KDM5B: variants seen among roughly 807,000 people sequenced by gnomAD.
KDM5B encodes the protein lysine demethylase 5B.
Under a neutral mutation model 193.4 loss-of-function variants are expected in KDM5B, and 144 were observed. The ratio of observed to expected loss-of-function variants is 0.74; its 90% CI spans 0.65 to 0.86. KDM5B has a LOEUF of 0.86. Among genes scored for constraint, KDM5B ranks in the 40% least tolerant of loss-of-function variants. KDM5B has a pLI of 0.00. For synonymous variants in KDM5B, 668 were observed against 682.6 expected (o/e 0.98, Z 0.33); for missense variants, 1,833 against 1,886.9 (o/e 0.97, Z 0.53).
At chr1:202,759,724 TTAAAA>T (rs1656166362) in intron 8 of KDM5B, among the ~76,000 whole-genome samples, 1 of 152,138 alleles carries the variant, frequency 6.6e-6, no homozygotes, top group Non-Finnish European at 1.5e-5. Context: ...CTCCATTTGT[TTAAAA>T]TAGAAAAAAG....
intron 1 of KDM5B, among the ~76,000 whole-genome samples, chr1:202,800,044 T>C (rs1206940641): frequency 1.3e-5 from 2 of 152,202 alleles, no homozygotes; most frequent in Non-Finnish European, 2.9e-5. Context: ...AAGGGACTTT[T>C]GTTTTGTTTT....
At chr1:202,739,610 A>G (rs956760333) in intron 20 of KDM5B, among the ~76,000 whole-genome samples, 8 of 152,160 alleles carry the variant, frequency 5.3e-5, no homozygotes, top group African/African-American at 1.7e-4. Flanking sequence ...TCCTAGGCAG[A>G]GGACCCTGCG....
In KDM5B at chr1:202,740,430, G is replaced by A. The variant is rs1480291234; in HGVS notation, c.3084+244C>T. Among the ~76,000 whole-genome samples, 10 of 125,244 alleles carry A rather than the reference G, an allele frequency of 8.0e-5. 1 individual carries two copies. Among genetic ancestry groups the A allele is most frequent in the African/African-American group, 2.2e-4 (8 of 36,282 alleles). The allele number at this position is 125,244 out of a possible 152,430, so 82.2% of individuals were successfully genotyped here. ...GGTCTGACCCCCCCACCTCCCTCCC[G>A]GACGGGGCGGCTGGCCGGGCGGGGG... is the stretch of plus-strand genomic sequence containing the variant. On this transcript the variant is annotated intron_variant, in intron 20 of 26. Coordinates refer to ENST00000367265, the MANE Select transcript of KDM5B (RefSeq NM_006618.5).
chr1:202,758,960 G>A (rs1275671810), intron 8 of KDM5B: 1 of 153,592 alleles, frequency 6.5e-6, no homozygotes, highest in East Asian at 1.9e-4. Flanking sequence ...CTAATACTGG[G>A]AGTTAACAGG....
rs571179535 is a variant in KDM5B, at chr1:202,787,791, G to A, written c.205-10697C>T. ...GCCTGTAATCCCAGCTACTTGGGAG[G>A]CTGAGGCAGAATCGCTTGAACCCGG... On this transcript the variant is annotated intron_variant, in intron 1 of 26. Transcript: ENST00000367265. Among the ~76,000 whole-genome samples the A allele has an allele frequency of 1.8e-4, 27 of 152,052 alleles. No individual in the cohort carries two copies. In the South Asian group the frequency reaches 5.6e-3, roughly 32 times the overall value.
In KDM5B at chr1:202,727,857, A is replaced by G. The variant is rs1654728915; in HGVS notation, c.*1179T>C. The stretch of plus-strand genomic sequence containing the variant: ...CTAAACCAAGTTCCCCTGTCAATTC[A>G]AATATAATAAAGGCAGCATTCCACA... On this transcript the variant is annotated 3_prime_UTR_variant, in exon 27 of 27. Coordinates refer to ENST00000367265, the MANE Select transcript of KDM5B (RefSeq NM_006618.5). 6.6e-6 allele frequency: 1 copy of G among 152,670 alleles called. No homozygotes were observed. Among genetic ancestry groups the G allele is most frequent in the Admixed American group, 6.5e-5 (1 of 15,288 alleles). The allele number at this position is 152,670 out of a possible 1,614,324, so 9.5% of individuals were successfully genotyped here. A position where few individuals can be genotyped will look rare whatever the true frequency, so the allele number is the denominator to read the frequency against.
At position 202,733,589 on chromosome 1, in the gene KDM5B, G is replaced by A. The variant is rs1411264991; in HGVS notation, c.3721C>T (p.Arg1241Cys). 14 of 1,614,020 alleles carry A rather than the reference G, an allele frequency of 8.7e-6. No homozygotes were observed. Among genetic ancestry groups the A allele is most frequent in the African/African-American group, 2.7e-5 (2 of 74,912 alleles). ...KILPLLASLQ[R>C]IRVRLPEGDA... ...CCCTCAGGAAGGCGAACTCGGATAC[G>A]CTGAAGGGAGGCGAGCAGGGGCAGA... The change falls in exon 23 of 27, where the codon CGT becomes TGT. Residue 1241 changes from arginine (R) to cysteine (C), a missense_variant. Arg to Cys is a radical substitution (Grantham distance 180). Transcript: ENST00000367265.
chr1:202,808,029 GC>G (rs1275067185), intron 1 of KDM5B, 72 bp downstream of exon 1: 3 of 1,476,478 alleles, frequency 2.0e-6, no homozygotes, highest in Non-Finnish European at 1.8e-6. Flanking sequence ...CGCGCCTCGG[GC>G]CTCCCCGGAC....
intron 22 of KDM5B, among the ~76,000 whole-genome samples, chr1:202,734,415 A>G (rs2102217887): frequency 6.6e-6 from 1 of 151,746 alleles, no homozygotes; most frequent in African/African-American, 2.4e-5. Flanking sequence ...TGTGGGTTAT[A>G]TGATAACAAG....
At chr1:202,731,526 T>C (rs1654883230) in intron 24 of KDM5B, among the ~76,000 whole-genome samples, 1 of 152,212 alleles carries the variant, frequency 6.6e-6, no homozygotes. Flanking sequence ...GTCTCCTAAG[T>C]AATGAAGCAA....
intron 4 of KDM5B, among the ~76,000 whole-genome samples, chr1:202,771,779 A>G (rs919052508): frequency 1.3e-5 from 2 of 151,658 alleles, no homozygotes; most frequent in African/African-American, 4.8e-5. Flanking sequence ...ACAGGGTTTC[A>G]CCATGTTGGC....
rs181762370 is a variant in KDM5B at position 202,725,504 on chromosome 1, G to T, written c.*3532C>A. Reference sequence around the variant, plus strand: ...TTGATGACAGAGGGGCAAAGAGGGCGAAGCCATCACACTGCTGCTTCATAG... The same window carrying T: ...TTGATGACAGAGGGGCAAAGAGGGCTAAGCCATCACACTGCTGCTTCATAG... On this transcript the variant is annotated 3_prime_UTR_variant, in exon 27 of 27. Transcript: ENST00000367265. The T allele has an allele frequency of 1.3e-5, 2 of 152,176 alleles. No individual in the cohort carries two copies. The highest frequency in any genetic ancestry group is 4.8e-5 in the African/African-American group (2 of 41,432). The allele number at this position is 152,176 out of a possible 1,614,324, so 9.4% of individuals were successfully genotyped here. A position where few individuals can be genotyped will look rare whatever the true frequency, so the allele number is the denominator to read the frequency against.
At chr1:202,744,514 C>G (rs906149360) in intron 16 of KDM5B, among the ~76,000 whole-genome samples, 2 of 152,224 alleles carry the variant, frequency 1.3e-5, no homozygotes, top group Middle Eastern at 3.4e-3. Flanking sequence ...GCCGAGATCG[C>G]ACCACTGCAC....
intron 4 of KDM5B, among the ~76,000 whole-genome samples, chr1:202,769,058 A>G (rs1656598163): frequency 8.2e-6 from 1 of 122,222 alleles, no homozygotes; most frequent in East Asian, 2.4e-4. Context: ...TTTTTTTGAG[A>G]CAGAGTCTCG....
chr1:202,773,198 C>T lies in KDM5B; in HGVS notation c.496G>A (p.Ala166Thr). The change falls in exon 4 of 27, where the codon GCA (alanine) becomes ACA (threonine). Residue 166 changes from alanine to threonine, a missense_variant. Coordinates refer to ENST00000367265, the MANE Select transcript of KDM5B (RefSeq NM_006618.5). ...TGCCCTCTGATATGTGAGCCCACTGCTTTGCCAGGAGCAAACCCCATCTTG... is the reference window on the plus strand; with the variant it reads ...TGCCCTCTGATATGTGAGCCCACTGTTTTGCCAGGAGCAAACCCCATCTTG... ...ATKMGFAPGK[A>T]VGSHIRGHYE... 4 of 1,613,910 alleles carry T rather than the reference C, an allele frequency of 2.5e-6. No individual in the cohort carries two copies. Among genetic ancestry groups the T allele is most frequent in the Non-Finnish European group, 3.4e-6 (4 of 1,179,768 alleles).
chr1:202,804,691 C>G (rs1488570183), intron 1 of KDM5B, among the ~76,000 whole-genome samples: 1 of 151,926 alleles, frequency 6.6e-6, no homozygotes, highest in Non-Finnish European at 1.5e-5. Flanking sequence ...TTGATTTAAA[C>G]CTTCTCCGGA....
chr1:202,746,035 C>T, intron 15 of KDM5B, 53 bp from the exon 16 acceptor site: 1 of 1,609,302 alleles, frequency 6.2e-7, no homozygotes, highest in South Asian at 1.1e-5. Flanking sequence ...TTGGAGAAAA[C>T]TAGATGTTTT....
chr1:202,749,532 G>A (rs1367267645), intron 13 of KDM5B, among the ~76,000 whole-genome samples: 5 of 152,126 alleles, frequency 3.3e-5, no homozygotes, highest in Non-Finnish European at 7.4e-5. Flanking sequence ...ACTCCAGCCT[G>A]GGTGACAGAG....
chr1:202,787,937 A>G (rs1322588185), intron 1 of KDM5B, among the ~76,000 whole-genome samples: 1 of 152,116 alleles, frequency 6.6e-6, no homozygotes, highest in African/African-American at 2.4e-5. Flanking sequence ...CCTCTCACAG[A>G]TATTTAGCTG....
Sources: allele counts gnomAD v4.1 joint callset (sites outside exome capture counted in the v4.1 genomes callset), GRCh38; gene constraint gnomAD v4.1.1; transcripts MANE v1.5; gene names NCBI Gene and HGNC (gene_info 2026-07-23, HGNC 2026-07-21).